Variants in DIAPH1 observed in about 807,000 individuals in gnomAD.
The protein encoded by DIAPH1 is diaphanous related formin 1, also known as protein diaphanous homolog 1.
DIAPH1 carries 46 observed loss-of-function variants against 140.7 expected under a neutral mutation model. The observed-to-expected ratio is 0.33, with a 90% CI of 0.26 to 0.42. DIAPH1 has a LOEUF of 0.42. Among genes scored for constraint, DIAPH1 ranks in the 10% least tolerant of loss-of-function variants. DIAPH1 has a pLI of 1.00. For synonymous variants in DIAPH1, 565 were observed against 551.6 expected (o/e 1.02, Z -0.34); for missense variants, 1,310 against 1,558.7 (o/e 0.84, Z 2.69).
intron 23 of DIAPH1, among the ~76,000 whole-genome samples, chr5:141,528,209 T>G (rs1171519615): frequency 6.6e-6 from 1 of 152,206 alleles, no homozygotes. Flanking sequence ...AACACCTGCC[T>G]TTCTAGCTGT....
At chr5:141,541,030 A>C (rs1247115267) in intron 18 of DIAPH1, among the ~76,000 whole-genome samples, 1 of 152,114 alleles carries the variant, frequency 6.6e-6, no homozygotes, top group Non-Finnish European at 1.5e-5. Context: ...ACTGCACTCC[A>C]GCTTGGGCTA....
intron 18 of DIAPH1, among the ~76,000 whole-genome samples, chr5:141,545,918 G>A (rs1331622390): frequency 1.3e-5 from 2 of 152,206 alleles, no homozygotes; most frequent in African/African-American, 4.8e-5. Context: ...GTGTTGGGAC[G>A]ACTGGCTTTC....
intron 18 of DIAPH1, chr5:141,563,213 T>C (rs943147243): frequency 5.3e-5 from 8 of 152,302 alleles, no homozygotes; most frequent in African/African-American, 1.9e-4. Context: ...TTCTTCAAAA[T>C]GTCCTTCTAA....
chr5:141,572,882 T>C (rs931719001), intron 16 of DIAPH1, among the ~76,000 whole-genome samples: 3 of 152,216 alleles, frequency 2.0e-5, no homozygotes, highest in Non-Finnish European at 2.9e-5. Flanking sequence ...GTTTGCAGAC[T>C]GGTGAATGAC....
chr5:141,556,956 A>G (rs1025664940), intron 18 of DIAPH1, among the ~76,000 whole-genome samples: 1 of 152,208 alleles, frequency 6.6e-6, no homozygotes, highest in Non-Finnish European at 1.5e-5. Flanking sequence ...CGGCCTCCCA[A>G]AGTGCTGGGA....
chr5:141,529,842 G>A (rs534048984), intron 19 of DIAPH1, 145 bp from the exon 20 acceptor site: 109 of 726,952 alleles, frequency 1.5e-4, no homozygotes, highest in Non-Finnish European at 2.4e-4. Flanking sequence ...CCAGCACTTC[G>A]GGAGGCCAAG....
At chr5:141,561,341 T>C (rs2099893495) in intron 18 of DIAPH1, among the ~76,000 whole-genome samples, 2 of 151,968 alleles carry the variant, frequency 1.3e-5, no homozygotes, top group South Asian at 4.1e-4. Context: ...TGTCCAATGG[T>C]ACTTAGAAGT....
At chr5:141,580,636 A>C (rs2099896612) in intron 8 of DIAPH1, 108 bp downstream of exon 8, 2 of 1,083,052 alleles carry the variant, frequency 1.8e-6, no homozygotes, top group Non-Finnish European at 2.8e-6. Context: ...ACACAATCTT[A>C]CCTAGTATTT....
Position 141,552,469 on chromosome 5 carries a change from T to C in DIAPH1, c.2483-18036A>G, listed in dbSNP as rs186510934. ...GATGCTATGCTGCTGGCTTTAAAGA[T>C]TGAGGAAGGGACCATAAGCCAAGGA... On this transcript the variant is annotated intron_variant, in intron 18 of 27. Coordinates refer to ENST00000389054, the MANE Select transcript of DIAPH1 (RefSeq NM_005219.5). 5.3e-3 allele frequency among the ~76,000 whole-genome samples: 804 copies of C among 152,180 alleles called. 2 individuals carry two copies. The highest frequency in any genetic ancestry group is 8.4e-3 in the Non-Finnish European group (573 of 67,988).
intron 18 of DIAPH1, among the ~76,000 whole-genome samples, chr5:141,543,413 A>G (rs936627595): frequency 1.3e-5 from 2 of 152,232 alleles, no homozygotes; most frequent in Non-Finnish European, 2.9e-5. Flanking sequence ...TGTAAGCGTG[A>G]TAAGAATGCT....
intron 18 of DIAPH1, among the ~76,000 whole-genome samples, chr5:141,568,159 G>A (rs2099894659): frequency 6.6e-6 from 1 of 151,980 alleles, no homozygotes; most frequent in Non-Finnish European, 1.5e-5. Context: ...GTAGTGTAAT[G>A]ATCACATAAT....
intron 23 of DIAPH1, 68 bp from the exon 24 acceptor site, chr5:141,527,765 C>T (rs552690076): frequency 1.3e-4 from 194 of 1,492,918 alleles, no homozygotes; most frequent in Non-Finnish European, 1.6e-5. Context: ...ATCCCAGCCT[C>T]AACACCCCTT....
At chr5:141,552,565 C>G (rs143446116) in intron 18 of DIAPH1, among the ~76,000 whole-genome samples, 300 of 151,750 alleles carry the variant, frequency 2.0e-3, no homozygotes, top group African/African-American at 7.2e-3. Flanking sequence ...AGAAGGAATA[C>G]AGCCCTGCCA....
At chr5:141,540,167 A>G (rs1400910711) in intron 18 of DIAPH1, among the ~76,000 whole-genome samples, 2 of 151,824 alleles carry the variant, frequency 1.3e-5, no homozygotes, top group Admixed American at 6.6e-5. Flanking sequence ...CCCAGGCTAG[A>G]GCGCAGTGAC....
chr5:141,583,735 C>T (rs1278009529), intron 4 of DIAPH1, 120 bp from the exon 5 acceptor site: 1 of 1,380,724 alleles, frequency 7.2e-7, no homozygotes, highest in African/African-American at 1.4e-5. Flanking sequence ...GAGACAAGGT[C>T]TTACTACGTT....
At chr5:141,522,928 G>GT (rs2099886785) in intron 27 of DIAPH1, among the ~76,000 whole-genome samples, 2 of 152,210 alleles carry the variant, frequency 1.3e-5, no homozygotes, top group African/African-American at 2.4e-5. Context: ...TCAGAAGGGA[G>GT]TATCACTCTG....
intron 18 of DIAPH1, among the ~76,000 whole-genome samples, chr5:141,541,943 T>C (rs1008886258): frequency 6.6e-6 from 1 of 152,136 alleles, no homozygotes; most frequent in African/African-American, 2.4e-5. Context: ...AAATTCAACA[T>C]TGAAAGATGT....
intron 8 of DIAPH1, 137 bp downstream of exon 8, chr5:141,580,607 T>A: frequency 1.2e-6 from 1 of 833,800 alleles, no homozygotes; most frequent in Non-Finnish European, 2.0e-6. Flanking sequence ...AGATGCTTAG[T>A]GTTCACTTCT....
At chr5:141,543,704 T>C (rs1025137773) in intron 18 of DIAPH1, among the ~76,000 whole-genome samples, 1 of 152,202 alleles carries the variant, frequency 6.6e-6, no homozygotes, top group African/African-American at 2.4e-5. Context: ...TAGGTGTTAT[T>C]AAATGCATTC....
Sources: allele counts gnomAD v4.1 joint callset (sites outside exome capture counted in the v4.1 genomes callset), GRCh38; gene constraint gnomAD v4.1.1; transcripts MANE v1.5; gene names NCBI Gene and HGNC (gene_info 2026-07-23, HGNC 2026-07-21).